Variants in CSMD1 observed in about 807,000 individuals in gnomAD.
CSMD1 encodes the protein CUB and Sushi multiple domains 1, also known as CUB and sushi domain-containing protein 1.
In CSMD1, 213 loss-of-function variants were observed where a neutral mutation model predicts 417.5. The observed-to-expected ratio is 0.51, with a 90% CI of 0.46 to 0.57. The LOEUF (loss-of-function observed/expected upper bound fraction) is 0.57. Ranked by LOEUF, CSMD1 falls within the 20% of genes least tolerant of loss-of-function variation. The pLI, the probability that CSMD1 is intolerant of heterozygous loss-of-function variation, is 0.00. For synonymous variants in CSMD1, 2,862 were observed against 1,736.8 expected (o/e 1.65, Z -16.11); for missense variants, 6,923 against 4,529.7 (o/e 1.53, Z -15.17).
chr8:3,153,488 C>G (rs1270655743), intron 39 of CSMD1, among the ~76,000 whole-genome samples: 1 of 152,120 alleles, frequency 6.6e-6, no homozygotes, highest in Non-Finnish European at 1.5e-5. Flanking sequence ...ATCACAACCC[C>G]TTTCCTGTAA....
chr8:3,044,155 T>C (rs13274152), intron 50 of CSMD1, among the ~76,000 whole-genome samples: 2 of 152,120 alleles, frequency 1.3e-5, no homozygotes, highest in African/African-American at 4.8e-5. Context: ...CTAAGTATCT[T>C]TAGCCCAAAT....
At chr8:4,237,261 A>G (rs189191070) in intron 3 of CSMD1, among the ~76,000 whole-genome samples, 1 of 152,254 alleles carries the variant, frequency 6.6e-6, no homozygotes, top group East Asian at 1.9e-4. Flanking sequence ...TCCTGAAGAG[A>G]TTCAGAGTGA....
intron 2 of CSMD1, among the ~76,000 whole-genome samples, chr8:4,529,157 T>G (rs531865710): frequency 6.6e-6 from 1 of 152,120 alleles, no homozygotes; most frequent in Admixed American, 6.5e-5. Flanking sequence ...CAGGGACCCT[T>G]TGGGGGATCC....
Position 3,441,249 on chromosome 8 carries a change from C to T in CSMD1, c.1561+27463G>A, listed in dbSNP as rs140417931. ...TGACACCTTGATTTTGGACTTGTGGCCTCCAGAGCTTTGAGAGACTGAATT... is the reference window on the plus strand; with the variant it reads ...TGACACCTTGATTTTGGACTTGTGGTCTCCAGAGCTTTGAGAGACTGAATT... On this transcript the variant is annotated intron_variant, in intron 12 of 69. Coordinates refer to ENST00000635120, the MANE Select transcript of CSMD1 (RefSeq NM_033225.6). Among the ~76,000 whole-genome samples the T allele has an allele frequency of 7.6e-3, 1,161 of 152,062 alleles. 15 individuals are homozygous for T. The highest frequency in any genetic ancestry group is 0.026 in the African/African-American group (1,098 of 41,458).
At chr8:3,633,511 G>T (rs926717632) in intron 7 of CSMD1, among the ~76,000 whole-genome samples, 1 of 152,144 alleles carries the variant, frequency 6.6e-6, no homozygotes, top group Admixed American at 6.5e-5. Flanking sequence ...AGATGCAATG[G>T]CATCAGAATA....
chr8:3,519,739 G>C (rs1030749771), intron 10 of CSMD1, among the ~76,000 whole-genome samples: 2 of 152,082 alleles, frequency 1.3e-5, no homozygotes, highest in African/African-American at 4.8e-5. Context: ...TGTTTTCTGT[G>C]ATATGTGTAA....
intron 3 of CSMD1, among the ~76,000 whole-genome samples, chr8:4,134,589 A>T (rs983210556): frequency 2.0e-5 from 3 of 152,186 alleles, no homozygotes; most frequent in Non-Finnish European, 4.4e-5. Flanking sequence ...GAATGCATAC[A>T]ACTTCCAACA....
chr8:4,090,445 G>C (rs916565983), intron 3 of CSMD1, among the ~76,000 whole-genome samples: 1 of 151,996 alleles, frequency 6.6e-6, no homozygotes, highest in African/African-American at 2.4e-5. Context: ...ATTTTTTTAA[G>C]AAAATACATG....
chr8:3,284,029 G>T (rs75649972), intron 26 of CSMD1, 115 bp downstream of exon 26: 6 of 898,342 alleles, frequency 6.7e-6, no homozygotes, highest in African/African-American at 1.7e-5. Flanking sequence ...TTCAAATTAG[G>T]CTCAATAAAT....
chr8:3,704,408 A>G (rs1166810996), intron 7 of CSMD1, among the ~76,000 whole-genome samples: 1 of 152,168 alleles, frequency 6.6e-6, no homozygotes, highest in Non-Finnish European at 1.5e-5. Flanking sequence ...CCTAAAACAA[A>G]TCCACAGTTA....
chr8:4,703,281 G>C (rs1238739719), intron 1 of CSMD1, among the ~76,000 whole-genome samples: 2 of 152,150 alleles, frequency 1.3e-5, no homozygotes, highest in African/African-American at 2.4e-5. Context: ...AAAATTAGTA[G>C]GGAGTGTAGA....
chr8:4,297,766 C>A (rs1386039140), intron 3 of CSMD1, among the ~76,000 whole-genome samples: 1 of 152,082 alleles, frequency 6.6e-6, no homozygotes, highest in Non-Finnish European at 1.5e-5. Context: ...AACCAACATC[C>A]TGTGAGAGGT....
intron 3 of CSMD1, among the ~76,000 whole-genome samples, chr8:4,283,049 G>C (rs564272733): frequency 2.0e-5 from 3 of 152,204 alleles, no homozygotes; most frequent in East Asian, 1.9e-4. Flanking sequence ...AAAAATGCCT[G>C]ATAGTTAGAA....
chr8:4,002,234 T>C (rs1815742070), intron 4 of CSMD1, among the ~76,000 whole-genome samples: 1 of 152,062 alleles, frequency 6.6e-6, no homozygotes, highest in African/African-American at 2.4e-5. Context: ...TGTGCATGTG[T>C]GTGCGTGTGT....
intron 1 of CSMD1, among the ~76,000 whole-genome samples, chr8:4,881,973 G>A (rs1263179887): frequency 1.3e-5 from 2 of 151,804 alleles, no homozygotes; most frequent in Non-Finnish European, 2.9e-5. Context: ...ATATGACATG[G>A]GGCTCAGCTA....
chr8:3,669,850 T>C (rs1798897830), intron 7 of CSMD1, among the ~76,000 whole-genome samples: 1 of 152,148 alleles, frequency 6.6e-6, no homozygotes, highest in South Asian at 2.1e-4. Flanking sequence ...ATGTCAGCCA[T>C]GAACAGGAGG....
chr8:4,467,786 T>C (rs1284674007), intron 2 of CSMD1, among the ~76,000 whole-genome samples: 5 of 152,312 alleles, frequency 3.3e-5, no homozygotes, highest in African/African-American at 1.2e-4. Context: ...CATTTACTAT[T>C]TCTTATATGG....
chr8:3,479,088 A>T (rs1817589914), intron 11 of CSMD1, among the ~76,000 whole-genome samples: 1 of 151,586 alleles, frequency 6.6e-6, no homozygotes, highest in South Asian at 2.1e-4. Context: ...AGCAGTGGAG[A>T]CTCCTTGGGC....
chr8:4,106,518 C>G (rs915272681), intron 3 of CSMD1, among the ~76,000 whole-genome samples: 3 of 152,096 alleles, frequency 2.0e-5, no homozygotes, highest in Admixed American at 2.0e-4. Flanking sequence ...GAATGAGAGC[C>G]TCCTATGATA....
Sources: gnomAD v4.1 joint callset for allele counts (sites outside exome capture counted in the v4.1 genomes callset) on GRCh38, gnomAD v4.1.1 for gene constraint, MANE v1.5 for transcripts, NCBI Gene and HGNC (gene_info 2026-07-23, HGNC 2026-07-21) for gene names.